FHIT: variants seen among roughly 807,000 people sequenced by gnomAD.
The protein encoded by FHIT is fragile histidine triad diadenosine triphosphatase, also known as bis(5'-adenosyl)-triphosphatase.
In FHIT, 19 loss-of-function variants were observed where a neutral mutation model predicts 17.9. The ratio of observed to expected loss-of-function variants is 1.06; its 90% CI spans 0.74 to 1.56. FHIT has a LOEUF of 1.56. FHIT is among the 40% of genes most tolerant of loss of function. The pLI is 0.00. For synonymous variants in FHIT, 81 were observed against 69.7 expected, an observed-to-expected ratio of 1.16 and a Z score of -0.81; for missense variants, 248 against 189.2, an observed-to-expected ratio of 1.31 and a Z score of -1.82.
rs2035410111 is a variant in FHIT, at chr3:61,089,466, T to C, written c.-163-47367A>G. Among the ~76,000 whole-genome samples, 5 of 152,328 alleles carry C rather than the reference T, an allele frequency of 3.3e-5. 1 individual carries two copies. The South Asian group carries it at 1.0e-3, about 32-fold the overall frequency. On this transcript the variant is annotated intron_variant, in intron 2 of 9. Coordinates refer to ENST00000492590, the MANE Select transcript of FHIT (RefSeq NM_002012.4). ...TGGATTTGCCCATTCAGGCATTTCA[T>C]ATAAATGGAATCTTCTAATAGGTGA...
At chr3:60,330,581 G>A (rs1709919901) in intron 5 of FHIT, among the ~76,000 whole-genome samples, 1 of 152,186 alleles carries the variant, frequency 6.6e-6, no homozygotes, top group Non-Finnish European at 1.5e-5. Context: ...CATCCAGATT[G>A]TTCTGGAACC....
At chr3:61,003,040 G>T (rs1462823700) in intron 3 of FHIT, among the ~76,000 whole-genome samples, 1 of 152,172 alleles carries the variant, frequency 6.6e-6, no homozygotes, top group African/African-American at 2.4e-5. Context: ...TGTAGTTCGT[G>T]CCTATCAAAC....
intron 3 of FHIT, among the ~76,000 whole-genome samples, chr3:60,875,884 A>T (rs1199418177): frequency 1.3e-5 from 2 of 150,076 alleles, no homozygotes; most frequent in Non-Finnish European, 3.0e-5. Context: ...AGTATGAAAA[A>T]TTTCAGGGTG....
At chr3:61,115,421 C>T (rs924366576) in intron 2 of FHIT, among the ~76,000 whole-genome samples, 2 of 151,860 alleles carry the variant, frequency 1.3e-5, no homozygotes, top group African/African-American at 4.8e-5. Flanking sequence ...CACAAGGAGG[C>T]TGGAGCAATA....
intron 5 of FHIT, among the ~76,000 whole-genome samples, chr3:60,046,072 T>C (rs1347703411): frequency 1.3e-5 from 2 of 152,236 alleles, no homozygotes; most frequent in African/African-American, 2.4e-5. Context: ...GGATTTATCC[T>C]ATATTTCTGC....
At chr3:60,109,127 C>T (rs528007620) in intron 5 of FHIT, among the ~76,000 whole-genome samples, 8 of 146,664 alleles carry the variant, frequency 5.5e-5, no homozygotes, top group South Asian at 2.2e-4. Context: ...AAGAGGGGGA[C>T]GGGGGTAGGG....
chr3:60,229,385 C>G (rs1704378322), intron 5 of FHIT, among the ~76,000 whole-genome samples: 1 of 150,018 alleles, frequency 6.7e-6, no homozygotes, highest in African/African-American at 2.5e-5. Flanking sequence ...CCACTGTACT[C>G]CAGCCTGAGC....
At chr3:60,382,232 A>G (rs376918088) in intron 5 of FHIT, among the ~76,000 whole-genome samples, 1 of 152,378 alleles carries the variant, frequency 6.6e-6, no homozygotes, top group East Asian at 1.9e-4. Flanking sequence ...TCTCTTGCGG[A>G]CATAGAATTG....
chr3:60,076,630 T>G (rs1559610003), intron 5 of FHIT, among the ~76,000 whole-genome samples: 1 of 152,126 alleles, frequency 6.6e-6, no homozygotes, highest in East Asian at 1.9e-4. Flanking sequence ...GACACCAGAT[T>G]AGAAATGATT....
chr3:60,760,057 CTT>C (rs1553719324), intron 4 of FHIT, among the ~76,000 whole-genome samples: 1 of 151,034 alleles, frequency 6.6e-6, no homozygotes, highest in East Asian at 1.9e-4. Context: ...ATCTCTTTCT[CTT>C]TCTTTCCATT....
intron 5 of FHIT, among the ~76,000 whole-genome samples, chr3:60,307,047 C>A (rs6804909): frequency 0.32 from 48,260 of 151,800 alleles, 8,868 homozygotes; most frequent in East Asian, 0.74. Context: ...AGAAACCATG[C>A]CCCCTTTTGA....
chr3:59,779,979 G>A (rs1702499982), intron 8 of FHIT, among the ~76,000 whole-genome samples: 1 of 152,210 alleles, frequency 6.6e-6, no homozygotes, highest in Non-Finnish European at 1.5e-5. Context: ...ACAACTGCTA[G>A]GCAGAAGGTG....
chr3:59,794,614 T>C (rs1699703359), intron 8 of FHIT, among the ~76,000 whole-genome samples: 1 of 152,228 alleles, frequency 6.6e-6, no homozygotes, highest in Admixed American at 6.5e-5. Flanking sequence ...TGCTGTTATC[T>C]TCCATGTCAT....
rs1250691528 is a variant in FHIT at position 60,451,293 on chromosome 3, C to G, written c.103+85567G>C. The stretch of plus-strand genomic sequence containing the variant: ...AGCCACGAAAACCAACTTGCCGTTG[C>G]ATATCATAAGGCCCACCTCCAGCCT... On this transcript the variant is annotated intron_variant, in intron 5 of 9. Transcript: ENST00000492590. Among the ~76,000 whole-genome samples, 9 of 152,090 alleles carry G rather than the reference C, an allele frequency of 5.9e-5. 1 individual carries two copies. Among genetic ancestry groups the G allele is most frequent in the African/African-American group, 1.7e-4 (7 of 41,412 alleles).
At chr3:60,027,542 A>ATT (rs1700802924) in intron 5 of FHIT, among the ~76,000 whole-genome samples, 1 of 151,886 alleles carries the variant, frequency 6.6e-6, no homozygotes, top group African/African-American at 2.4e-5. Context: ...CACAGCTAAA[A>ATT]TAAGTGTCAC....
intron 5 of FHIT, among the ~76,000 whole-genome samples, chr3:60,435,456 C>T (rs2030135502): frequency 7.1e-6 from 1 of 141,630 alleles, no homozygotes; most frequent in Non-Finnish European, 1.6e-5. Flanking sequence ...TTTTTTTTAC[C>T]AGCAACTTGA....
intron 5 of FHIT, among the ~76,000 whole-genome samples, chr3:60,279,235 G>T (rs2107643096): frequency 6.6e-6 from 1 of 152,144 alleles, no homozygotes; most frequent in African/African-American, 2.4e-5. Flanking sequence ...ATATTAAAAA[G>T]ATGATAAAGA....
At chr3:61,142,947 G>A (rs916763628) in intron 2 of FHIT, among the ~76,000 whole-genome samples, 8 of 152,014 alleles carry the variant, frequency 5.3e-5, no homozygotes, top group African/African-American at 1.7e-4. Context: ...TCGTTAATAT[G>A]TACCTTACAG....
intron 5 of FHIT, among the ~76,000 whole-genome samples, chr3:60,206,990 T>C (rs1223698999): frequency 6.6e-6 from 1 of 152,184 alleles, no homozygotes; most frequent in East Asian, 1.9e-4. Context: ...AAAGGATATA[T>C]GTGTGTGAAA....
Sources: allele counts gnomAD v4.1 joint callset (sites outside exome capture counted in the v4.1 genomes callset), GRCh38; gene constraint gnomAD v4.1.1; transcripts MANE v1.5; gene names NCBI Gene and HGNC (gene_info 2026-07-23, HGNC 2026-07-21).